The following CPM variants were observed in gnomAD, a reference collection of about 807,000 sequenced individuals.
CPM encodes the protein carboxypeptidase M, also known as renal carboxypeptidase.
CPM carries 35 observed loss-of-function variants against 46.4 expected under a neutral mutation model. The observed-to-expected ratio is 0.75, with a 90% CI of 0.58 to 1.00. CPM has a LOEUF of 1.00. Ranked by LOEUF, CPM falls within the 50% of genes least tolerant of loss-of-function variation. The probability of loss-of-function intolerance (pLI) is 0.00; values close to 1 mark genes in which losing one functional copy is unlikely to be tolerated. For synonymous variants in CPM, 195 were observed against 195.3 expected, an observed-to-expected ratio of 1.00 and a Z score of 0.01; for missense variants, 422 against 530.4, an observed-to-expected ratio of 0.80 and a Z score of 2.01.
intron 2 of CPM, among the ~76,000 whole-genome samples, chr12:68,911,018 A>G (rs746836317): frequency 6.6e-6 from 1 of 152,230 alleles, no homozygotes; most frequent in Non-Finnish European, 1.5e-5. Context: ...TGTCGAGTAT[A>G]TAACTATAAG....
downstream of CPM, chr12:68,848,572 G>C (rs1884486419): frequency 6.6e-6 from 1 of 152,204 alleles, no homozygotes; most frequent in South Asian, 2.1e-4. Flanking sequence ...TATGGTGTCA[G>C]AATTGTAAGA....
At chr12:68,944,271 T>G (rs546157834) in intron 1 of CPM, among the ~76,000 whole-genome samples, 40 of 152,316 alleles carry the variant, frequency 2.6e-4, no homozygotes, top group Middle Eastern at 6.8e-3. Context: ...AAGAGAAACA[T>G]AGTCCTCACT....
intron 1 of CPM, among the ~76,000 whole-genome samples, chr12:68,948,365 T>C (rs1185779898): frequency 1.3e-5 from 2 of 152,016 alleles, no homozygotes; most frequent in Non-Finnish European, 1.5e-5. Flanking sequence ...ATTAGGGAAA[T>C]GAGAATTTTT....
intron 2 of CPM, among the ~76,000 whole-genome samples, chr12:68,915,751 A>G (rs1345169368): frequency 6.6e-6 from 1 of 152,206 alleles, no homozygotes; most frequent in Admixed American, 6.5e-5. Flanking sequence ...TAGGAACTCA[A>G]TGAATATTTG....
chr12:68,915,751 A>T (rs1345169368), intron 2 of CPM, among the ~76,000 whole-genome samples: 2 of 152,206 alleles, frequency 1.3e-5, no homozygotes, highest in African/African-American at 4.8e-5. Flanking sequence ...TAGGAACTCA[A>T]TGAATATTTG....
upstream of CPM, among the ~76,000 whole-genome samples, chr12:68,937,140 C>T (rs1355694839): frequency 6.6e-6 from 1 of 152,172 alleles, no homozygotes; most frequent in Non-Finnish European, 1.5e-5. Context: ...TGGGAATAGA[C>T]ATCAAAATTT....
chr12:68,903,067 C>G (rs1428690717), intron 2 of CPM, among the ~76,000 whole-genome samples: 1 of 152,178 alleles, frequency 6.6e-6, no homozygotes, highest in Non-Finnish European at 1.5e-5. Flanking sequence ...TATAAGAGCT[C>G]TGAGACATTA....
chr12:68,921,842 A>G (rs1462394570), intron 2 of CPM, among the ~76,000 whole-genome samples: 1 of 152,196 alleles, frequency 6.6e-6, no homozygotes, highest in Non-Finnish European at 1.5e-5. Context: ...AGTTACATAT[A>G]ATATATGTAA....
At chr12:68,944,013 A>G (rs1360186739) in intron 1 of CPM, among the ~76,000 whole-genome samples, 3 of 152,218 alleles carry the variant, frequency 2.0e-5, no homozygotes, top group Non-Finnish European at 4.4e-5. Flanking sequence ...GACTGTTTGA[A>G]GATAGTTAAT....
intron 2 of CPM, among the ~76,000 whole-genome samples, chr12:68,921,827 T>C (rs958026908): frequency 3.9e-5 from 6 of 152,194 alleles, no homozygotes; most frequent in African/African-American, 1.4e-4. Flanking sequence ...TATAAAAGTG[T>C]ATAAAGTTAC....
chr12:68,921,845 ATATG>A, intron 2 of CPM, among the ~76,000 whole-genome samples: 1 of 152,338 alleles, frequency 6.6e-6, no homozygotes, highest in Non-Finnish European at 1.5e-5. Context: ...TACATATAAT[ATATG>A]TAACAATATA....
intron 1 of CPM, among the ~76,000 whole-genome samples, chr12:68,944,891 G>GGT (rs144542346): frequency 0.016 from 2,385 of 152,088 alleles, 58 homozygotes; most frequent in African/African-American, 0.055. Context: ...AAATCATAGG[G>GGT]GTGTGGAAAA....
At chr12:68,948,380 T>C (rs1247591171) in intron 1 of CPM, among the ~76,000 whole-genome samples, 3 of 152,120 alleles carry the variant, frequency 2.0e-5, no homozygotes, top group Admixed American at 6.6e-5. Context: ...ATTTTTGACA[T>C]GAGAGACTGA....
At chr12:68,923,490 T>G (rs1888125019) in intron 2 of CPM, among the ~76,000 whole-genome samples, 1 of 152,196 alleles carries the variant, frequency 6.6e-6, no homozygotes, top group Non-Finnish European at 1.5e-5. Context: ...TTTGTGCTTT[T>G]ACACCAATAG....
In CPM at chr12:68,853,411, TATC is replaced by T. The variant is rs567340315; in HGVS notation, c.*3023_*3025del. The T allele has an allele frequency of 2.6e-5, 4 of 152,202 alleles. No individual in the cohort carries two copies. Among genetic ancestry groups the T allele is most frequent in the Non-Finnish European group, 5.9e-5 (4 of 68,024 alleles). 9.4% of individuals were successfully genotyped at this position (152,202 alleles called of 1,614,324 possible). On this transcript the variant is annotated 3_prime_UTR_variant, in exon 9 of 9. Coordinates refer to ENST00000551568, the MANE Select transcript of CPM (RefSeq NM_198320.5). ...CAGATTATTATGAGTTTTTTTTGGT[TATC>T]ATCTATTGCTGCTGCACAAATTACC... is the stretch of plus-strand genomic sequence containing the variant.
intron 3 of CPM, among the ~76,000 whole-genome samples, chr12:68,876,083 T>C (rs561924300): frequency 6.6e-6 from 1 of 152,324 alleles, no homozygotes; most frequent in East Asian, 1.9e-4. Context: ...TTTTATTTCC[T>C]CTTATTCTTT....
intron 7 of CPM, among the ~76,000 whole-genome samples, chr12:68,865,245 G>A (rs1813137115): frequency 6.6e-6 from 1 of 152,152 alleles, no homozygotes; most frequent in African/African-American, 2.4e-5. Flanking sequence ...TTAAGATGCT[G>A]GTGAGAAAGA....
chr12:68,883,605 A>G (rs1886294587), intron 3 of CPM, among the ~76,000 whole-genome samples: 1 of 152,160 alleles, frequency 6.6e-6, no homozygotes, highest in Non-Finnish European at 1.5e-5. Flanking sequence ...GATACACCAG[A>G]CAACAAGATG....
rs1663587 is a variant in CPM at position 68,845,276 on chromosome 12, C to T, written c.534-2947G>A. On this transcript the variant is annotated intron_variant, in intron 5 of 5. Coordinates refer to the CPM transcript ENST00000551897. ...TGTGATCATATTGTCTACCATGTAG[C>T]CAGCTTTCAATTATATGTAAGAGGG... The T allele has an allele frequency of 5.1e-3, 1,097 of 214,116 alleles. 12 individuals are homozygous for T. Among genetic ancestry groups the T allele is most frequent in the African/African-American group, 0.023 (1,039 of 44,270 alleles). 13.3% of individuals were successfully genotyped at this position (214,116 alleles called of 1,614,324 possible). A position where few individuals can be genotyped will look rare whatever the true frequency, so the allele number is the denominator to read the frequency against.
Sources: gnomAD v4.1 joint callset for allele counts (sites outside exome capture counted in the v4.1 genomes callset) on GRCh38, gnomAD v4.1.1 for gene constraint, MANE v1.5 for transcripts, NCBI Gene and HGNC (gene_info 2026-07-23, HGNC 2026-07-21) for gene names.